RBAK: variants seen among roughly 807,000 people sequenced by gnomAD.
RBAK encodes the protein RB associated KRAB zinc finger.
A neutral mutation model predicts 65.8 loss-of-function variants in RBAK; 39 were observed. The ratio of observed to expected loss-of-function variants is 0.59; its 90% CI spans 0.46 to 0.77. The LOEUF is 0.77. Ranked by LOEUF, RBAK falls within the 30% of genes least tolerant of loss-of-function variation. RBAK has a pLI of 0.00. For missense variants in RBAK, 884 were observed against 855.1 expected (o/e 1.03, Z -0.42); for synonymous variants, 343 against 289.7 (o/e 1.18, Z -1.87).
chr7:5,053,961 C>T (rs1299798613), intron 2 of RBAK, among the ~76,000 whole-genome samples: 1 of 152,078 alleles, frequency 6.6e-6, no homozygotes, highest in Non-Finnish European at 1.5e-5. Context: ...GCCCATTTTC[C>T]CATCTCGCAA....
chr7:5,047,397 T>C (rs1007234070), intron 1 of RBAK, among the ~76,000 whole-genome samples: 8 of 151,964 alleles, frequency 5.3e-5, no homozygotes, highest in African/African-American at 1.9e-4. Flanking sequence ...AGACCCTGTC[T>C]CAACAAACAG....
chr7:5,057,609 G>A (rs993577482), intron 3 of RBAK, 75 bp from the exon 4 acceptor site: 4 of 1,601,936 alleles, frequency 2.5e-6, no homozygotes, highest in Admixed American at 1.7e-5. Context: ...AGCTTATGAG[G>A]TGGCAACATC....
rs1348986185 is a variant in RBAK, at chr7:5,048,891, C to T, written c.15+800C>T. On this transcript the variant is annotated intron_variant, in intron 2 of 4. Coordinates refer to ENST00000396912, the MANE Select transcript of RBAK (RefSeq NM_021163.4). The surrounding 1 kb of genome is among the most constrained non-coding windows in gnomAD (Gnocchi z 4.4). ...GGAGGCGCTACACACTTTTAAACAA[C>T]CACGTCTTGTGATAAGTCACTGAGT... 6.6e-6 allele frequency among the ~76,000 whole-genome samples: 1 copy of T among 152,146 alleles called. No individual in the cohort carries two copies. Among genetic ancestry groups the T allele is most frequent in the African/African-American group, 2.4e-5 (1 of 41,422 alleles).
rs1244617287 is a variant in RBAK, at chr7:5,067,389, A to G, written c.*1788A>G. On this transcript the variant is annotated 3_prime_UTR_variant, in exon 5 of 5. Transcript: ENST00000396912. ...ATGGAAAATGAAATTTTGAAAAGCA[A>G]TGCCACTTCAAAGATCCCTCAAGTG... 6 of 152,218 alleles carry G rather than the reference A, an allele frequency of 3.9e-5. No individual in the cohort carries two copies. Among genetic ancestry groups the G allele is most frequent in the South Asian group, 2.1e-4 (1 of 4,832 alleles). 9.4% of individuals were successfully genotyped at this position (152,218 alleles called of 1,614,324 possible).
At chr7:5,046,730 A>C (rs1787995646) in intron 1 of RBAK, among the ~76,000 whole-genome samples, 1 of 152,114 alleles carries the variant, frequency 6.6e-6, no homozygotes, top group Non-Finnish European at 1.5e-5. Context: ...CTCTCATTTA[A>C]GTGTCTGCTG....
chr7:5,063,642 C>A, intron 4 of RBAK, 53 bp from the exon 5 acceptor site: 1 of 1,394,012 alleles, frequency 7.2e-7, no homozygotes, highest in East Asian at 2.5e-5. Context: ...AGTACCTTTC[C>A]ATAGCTAGTG....
chr7:5,057,921 G>A (rs757834330), intron 4 of RBAK, 142 bp downstream of exon 4: 2 of 809,720 alleles, frequency 2.5e-6, no homozygotes, highest in Middle Eastern at 2.8e-4. Flanking sequence ...ACACATACAT[G>A]AACTCTTTTG....
rs1779254150 is a variant in RBAK at position 5,067,722 on chromosome 7, C to A, written c.*2121C>A. On this transcript the variant is annotated 3_prime_UTR_variant, in exon 5 of 5. Transcript: ENST00000396912. ...AAATAATGAAGGTGTTAATTTGGCA[C>A]AAGGATGAAAAAACTGACTAGTGGA... The A allele has an allele frequency of 6.6e-6, 1 of 152,036 alleles. No homozygotes were observed. Among genetic ancestry groups the A allele is most frequent in the Non-Finnish European group, 1.5e-5 (1 of 68,010 alleles). The allele number at this position is 152,036 out of a possible 1,614,324, so 9.4% of individuals were successfully genotyped here. A position where few individuals can be genotyped will look rare whatever the true frequency, so the allele number is the denominator to read the frequency against.
rs761327545 is a variant in RBAK at position 5,057,441 on chromosome 7, T to C, written c.142+20T>C. On this transcript the variant is annotated intron_variant, in intron 3 of 4. Coordinates refer to ENST00000396912, the MANE Select transcript of RBAK (RefSeq NM_021163.4). ...CTGTGGGTGAGAATAGCTTGCTTTC[T>C]GAATGCTCTCAGTTGAATGGGGTTT... The C allele has an allele frequency of 8.7e-6, 14 of 1,614,162 alleles. No individual in the cohort carries two copies. In the East Asian group the frequency reaches 3.1e-4, roughly 36 times the overall value.
At position 5,048,193 on chromosome 7, in the gene RBAK, G is replaced by C. The variant is rs1162843815; in HGVS notation, c.15+102G>C. 28 of 1,521,102 alleles carry C rather than the reference G, an allele frequency of 1.8e-5. No homozygotes were observed. Among genetic ancestry groups the C allele is most frequent in the Middle Eastern group, 5.0e-4 (2 of 4,034 alleles). 94.2% of individuals were successfully genotyped at this position (1,521,102 alleles called of 1,614,324 possible). A position where few individuals can be genotyped will look rare whatever the true frequency, so the allele number is the denominator to read the frequency against. On this transcript the variant is annotated intron_variant, in intron 2 of 4. Coordinates refer to ENST00000396912, the MANE Select transcript of RBAK (RefSeq NM_021163.4). The surrounding 1 kb of genome is among the most constrained non-coding windows in gnomAD (Gnocchi z 4.4). ...CCTTTTTTTTTTTCTTTTTTTTTGA[G>C]ATGGAGTCTTGCTCTGTTGCCCAGG...
rs1449154348 is a variant in RBAK at position 5,064,411 on chromosome 7, T to A, written c.955T>A (p.Cys319Ser). ...RSHLEEKPYK[C>S]NECGKTFCQK... ...ACACTTAGAGGAGAAGCCCTATAAA[T>A]GTAATGAATGTGGGAAAACCTTTTG... The change falls in exon 5 of 5, where the codon TGT becomes AGT. Residue 319 changes from cysteine (C) to serine (S), a missense_variant. By Grantham distance (112) the Cys-to-Ser change is moderately radical. Transcript: ENST00000396912. This position sits in a 1 kb window ranked among gnomAD's most constrained non-coding sequence, Gnocchi z 6.3. The A allele has an allele frequency of 1.2e-6, 2 of 1,614,156 alleles. No individual in the cohort carries two copies. The highest frequency in any genetic ancestry group is 1.7e-6 in the Non-Finnish European group (2 of 1,180,008).
At position 5,046,153 on chromosome 7, in the gene RBAK, G is replaced by A. The variant is rs902436959; in HGVS notation, c.-288G>A. The A allele has an allele frequency of 4.1e-5, 17 of 411,812 alleles. No homozygotes were observed. The highest frequency in any genetic ancestry group is 1.9e-5 in the Non-Finnish European group (4 of 207,958). The allele number at this position is 411,812 out of a possible 1,614,324, so 25.5% of individuals were successfully genotyped here. A position where few individuals can be genotyped will look rare whatever the true frequency, so the allele number is the denominator to read the frequency against. On this transcript the variant is annotated 5_prime_UTR_variant, in exon 1 of 5. In the 5' UTR this introduces an upstream ATG that the reference lacks. Coordinates refer to ENST00000396912, the MANE Select transcript of RBAK (RefSeq NM_021163.4). Reference sequence around the variant, plus strand: ...GGGCGGCGGGACGCGGGCCTGGCCCGTGTGTGTCCTGGCGGCCTGGCCCAG... The same window carrying A: ...GGGCGGCGGGACGCGGGCCTGGCCCATGTGTGTCCTGGCGGCCTGGCCCAG...
At position 5,063,782 on chromosome 7, in the gene RBAK, C is replaced by A. The variant is rs771791446; in HGVS notation, c.326C>A (p.Thr109Asn). 2 of 1,613,874 alleles carry A rather than the reference C, an allele frequency of 1.2e-6. No individual in the cohort carries two copies. Among genetic ancestry groups the A allele is most frequent in the Non-Finnish European group, 1.7e-6 (2 of 1,179,930 alleles). ...SRQAACINSK[T>N]LTEEKENTFS... The stretch of plus-strand genomic sequence containing the variant: ...CAAGCTGCTTGTATCAATAGCAAAA[C>A]CCTGACTGAAGAGAAAGAGAATACA... Residue 109 changes from threonine to asparagine, a missense_variant, in exon 5 of 5, where the codon ACC becomes AAC. Coordinates refer to ENST00000396912, the MANE Select transcript of RBAK (RefSeq NM_021163.4).
chr7:5,062,742 G>A (rs564999421), intron 4 of RBAK, among the ~76,000 whole-genome samples: 52 of 152,268 alleles, frequency 3.4e-4, no homozygotes, highest in African/African-American at 1.2e-3. Context: ...ACCTAAGGGG[G>A]CCATCTATAG....
At chr7:5,057,830 GGA>G (rs781762682) in intron 4 of RBAK, 51 bp downstream of exon 4, 3 of 1,605,256 alleles carry the variant, frequency 1.9e-6, no homozygotes, top group Non-Finnish European at 2.6e-6. Flanking sequence ...CAGACCTTTG[GGA>G]GAGACTAAAG....
chr7:5,057,439 T>C lies in RBAK; in HGVS notation c.142+18T>C. ...TTCTGTGGGTGAGAATAGCTTGCTT[T>C]CTGAATGCTCTCAGTTGAATGGGGT... On this transcript the variant is annotated intron_variant, in intron 3 of 4. Transcript: ENST00000396912. 6.2e-7 allele frequency: 1 copy of C among 1,614,160 alleles called. No homozygotes were observed. The highest frequency in any genetic ancestry group is 8.5e-7 in the Non-Finnish European group (1 of 1,180,002).
At position 5,053,104 on chromosome 7, in the gene RBAK, G is replaced by A. The variant is rs1481488529; in HGVS notation, c.16-4191G>A. Among the ~76,000 whole-genome samples the A allele has an allele frequency of 2.0e-5, 3 of 152,178 alleles. No homozygotes were observed. The East Asian group carries it at 5.8e-4, about 29-fold the overall frequency. On this transcript the variant is annotated intron_variant, in intron 2 of 4. Transcript: ENST00000396912. The stretch of plus-strand genomic sequence containing the variant: ...TTTAAGTAATGAGAGAAAATACACA[G>A]TTACCATTTCTGGTACTCTTCATTC...
intron 4 of RBAK, among the ~76,000 whole-genome samples, chr7:5,059,668 A>G (rs866896529): frequency 6.6e-6 from 1 of 152,196 alleles, no homozygotes; most frequent in Admixed American, 6.5e-5. Context: ...TGGTTCATTG[A>G]CCACTCCAGT....
In RBAK at chr7:5,068,985, T is replaced by C. The variant is rs541968180; in HGVS notation, c.*3384T>C. On this transcript the variant is annotated 3_prime_UTR_variant, in exon 5 of 5. Coordinates refer to ENST00000396912, the MANE Select transcript of RBAK (RefSeq NM_021163.4). The stretch of plus-strand genomic sequence containing the variant: ...AGACGGGCAAAACTTGTATACGTGG[T>C]TTAAAATTAGGGTAGCAGTTAGCCT... 1 of 152,302 alleles carries C rather than the reference T, an allele frequency of 6.6e-6. No homozygotes were observed. Among genetic ancestry groups the C allele is most frequent in the Non-Finnish European group, 1.5e-5 (1 of 68,024 alleles). 9.4% of individuals were successfully genotyped at this position (152,302 alleles called of 1,614,324 possible).
Sources: allele counts gnomAD v4.1 joint callset (sites outside exome capture counted in the v4.1 genomes callset), GRCh38; gene constraint gnomAD v4.1.1; non-coding constraint Gnocchi (gnomAD v3.1); transcripts MANE v1.5; gene names NCBI Gene and HGNC (gene_info 2026-07-23, HGNC 2026-07-21).